TPRG1: variants seen among roughly 807,000 people sequenced by gnomAD.
TPRG1 encodes the protein tumor protein p63-regulated gene 1 protein.
Under a neutral mutation model 29.3 loss-of-function variants are expected in TPRG1, and 29 were observed. The ratio of observed to expected loss-of-function variants is 0.99; its 90% CI spans 0.74 to 1.35. The LOEUF (loss-of-function observed/expected upper bound fraction) is 1.35, where lower values mean the gene tolerates loss of function less well. TPRG1 is among the 40% of genes most tolerant of loss of function. The pLI is 0.00. For missense variants in TPRG1, 327 were observed against 335.0 expected, an observed-to-expected ratio of 0.98 and a Z score of 0.19; for synonymous variants, 130 against 116.8, an observed-to-expected ratio of 1.11 and a Z score of -0.73.
rs946600068 is a variant in TPRG1 at position 189,280,338 on chromosome 3, T to C, written c.480-30048T>C. 3.5e-5 allele frequency among the ~76,000 whole-genome samples: 4 copies of C among 112,686 alleles called. No individual in the cohort carries two copies. The South Asian group carries it at 1.1e-3, about 31-fold the overall frequency. 73.9% of individuals were successfully genotyped at this position (112,686 alleles called of 152,430 possible). A position where few individuals can be genotyped will look rare whatever the true frequency, so the allele number is the denominator to read the frequency against. On this transcript the variant is annotated intron_variant, in intron 4 of 5. Transcript: ENST00000345063. Reference sequence around the variant, plus strand: ...ATATATAAATGAATGGAAGACATTTTAGATGACGAACTAGGACTTACTGAA... The same window carrying C: ...ATATATAAATGAATGGAAGACATTTCAGATGACGAACTAGGACTTACTGAA...
chr3:189,095,029 A>G (rs1000424432), intron 4 of TPRG1, among the ~76,000 whole-genome samples: 2 of 152,182 alleles, frequency 1.3e-5, no homozygotes, highest in Admixed American at 1.3e-4. Flanking sequence ...ACTTCCTTAC[A>G]GAGAGTCTGG....
At chr3:189,206,665 T>C (rs1051526301) in intron 1 of TPRG1, among the ~76,000 whole-genome samples, 1 of 152,046 alleles carries the variant, frequency 6.6e-6, no homozygotes, top group Admixed American at 6.5e-5. Context: ...CATGTCTGGC[T>C]AATTTTTGTA....
intron 2 of TPRG1, among the ~76,000 whole-genome samples, chr3:189,209,457 C>A (rs943873277): frequency 6.6e-6 from 1 of 152,192 alleles, no homozygotes; most frequent in African/African-American, 2.4e-5. Context: ...AAATCCACTA[C>A]ACATGATGAT....
intron 5 of TPRG1, among the ~76,000 whole-genome samples, chr3:189,154,850 G>A (rs1035448485): frequency 3.3e-5 from 5 of 152,138 alleles, no homozygotes; most frequent in African/African-American, 1.2e-4. Flanking sequence ...ATATTAGAAA[G>A]AAAAAATAAA....
At chr3:189,258,526 G>A (rs77467313) in intron 4 of TPRG1, among the ~76,000 whole-genome samples, 8,045 of 152,240 alleles carry the variant, frequency 0.053, 465 homozygotes, top group African/African-American at 0.14. Flanking sequence ...CAGAGCTCAA[G>A]CACTGTGCTG....
At chr3:189,058,973 A>G (rs879836686) in intron 4 of TPRG1, among the ~76,000 whole-genome samples, 1 of 152,168 alleles carries the variant, frequency 6.6e-6, no homozygotes, top group East Asian at 1.9e-4. Context: ...TTCTGTAAGC[A>G]TATCTAGTTC....
chr3:189,086,561 C>T (rs1455179483), intron 4 of TPRG1, among the ~76,000 whole-genome samples: 2 of 142,360 alleles, frequency 1.4e-5, no homozygotes, highest in Non-Finnish European at 3.0e-5. Flanking sequence ...GAAGTTTGCT[C>T]TTGTTGCCTA....
At chr3:189,097,714 A>AG (rs1718772670), upstream of TPRG1, among the ~76,000 whole-genome samples, 1 of 152,236 alleles carries the variant, frequency 6.6e-6, no homozygotes, top group Non-Finnish European at 1.5e-5. Context: ...AAATGTGCTA[A>AG]GGCCCCAGCA....
At chr3:189,243,873 C>T (rs1349225674) in intron 4 of TPRG1, among the ~76,000 whole-genome samples, 1 of 152,184 alleles carries the variant, frequency 6.6e-6, no homozygotes, top group Non-Finnish European at 1.5e-5. Context: ...CTTAATTAGC[C>T]TGGCTTTCAC....
chr3:189,017,231 T>A lies in TPRG1; in HGVS notation c.-659-6519T>A, dbSNP rs182969954. Among the ~76,000 whole-genome samples, 577 of 151,308 alleles carry A rather than the reference T, an allele frequency of 3.8e-3. 3 individuals carry two copies. The highest frequency in any genetic ancestry group is 0.017 in the Middle Eastern group (5 of 292). ...TTTTTTTTTTTATTAAAATATATAT[T>A]TTTTTATATTATTATACTTTAAGTT... On this transcript the variant is annotated intron_variant, in intron 3 of 10. Transcript: ENST00000433971.
chr3:189,320,591 T>C (rs779981599), intron 5 of TPRG1, 35 bp from the exon 6 acceptor site: 5 of 1,556,818 alleles, frequency 3.2e-6, no homozygotes, highest in Non-Finnish European at 4.3e-6. Flanking sequence ...TAATCTACAG[T>C]AACTAACTTT....
At chr3:189,114,779 C>T (rs188669129) in intron 1 of TPRG1, among the ~76,000 whole-genome samples, 123 of 152,032 alleles carry the variant, frequency 8.1e-4, no homozygotes, top group Non-Finnish European at 1.1e-3. Flanking sequence ...GGTCCAGAAA[C>T]GTGGGTAATA....
intron 3 of TPRG1, among the ~76,000 whole-genome samples, chr3:189,022,249 T>G (rs1100318): frequency 0.98 from 148,882 of 151,656 alleles, 73,141 homozygotes; most frequent in South Asian, 1. Flanking sequence ...GTCATTCTCC[T>G]TCCAGCTTTG....
At chr3:189,086,268 T>A (rs1717928474) in intron 4 of TPRG1, among the ~76,000 whole-genome samples, 1 of 152,132 alleles carries the variant, frequency 6.6e-6, no homozygotes, top group South Asian at 2.1e-4. Context: ...CTCTGCCTGC[T>A]TTTATCCTAG....
At chr3:189,285,400 A>T (rs896293408) in intron 4 of TPRG1, among the ~76,000 whole-genome samples, 1 of 152,162 alleles carries the variant, frequency 6.6e-6, no homozygotes, top group Admixed American at 6.5e-5. Context: ...TGTGTTTTAG[A>T]GATGGAAGGG....
intron 4 of TPRG1, among the ~76,000 whole-genome samples, chr3:189,294,828 A>ACACACACACC: frequency 6.7e-6 from 1 of 149,022 alleles, no homozygotes; most frequent in Non-Finnish European, 1.5e-5. Flanking sequence ...ACACACACAC[A>ACACACACACC]GCGCGCAAGC....
intron 3 of TPRG1, among the ~76,000 whole-genome samples, chr3:189,005,533 A>T (rs1353274341): frequency 2.0e-5 from 3 of 152,138 alleles, no homozygotes; most frequent in Admixed American, 2.0e-4. Flanking sequence ...TTAGTAATTT[A>T]GGAAATTTTG....
intron 1 of TPRG1, among the ~76,000 whole-genome samples, chr3:189,112,900 C>T (rs1450700600): frequency 6.6e-6 from 1 of 152,058 alleles, no homozygotes; most frequent in African/African-American, 2.4e-5. Context: ...TAGTTTTTTC[C>T]AAATCTATGA....
intron 4 of TPRG1, among the ~76,000 whole-genome samples, chr3:189,282,461 T>G (rs1323430113): frequency 6.6e-6 from 1 of 152,106 alleles, no homozygotes; most frequent in Non-Finnish European, 1.5e-5. Flanking sequence ...AAACGTGTAT[T>G]TTGTGCCTCA....
Sources: allele counts gnomAD v4.1 joint callset (sites outside exome capture counted in the v4.1 genomes callset), GRCh38; gene constraint gnomAD v4.1.1; transcripts MANE v1.5; gene names NCBI Gene and HGNC (gene_info 2026-07-23, HGNC 2026-07-21).